STAG3: variants seen among roughly 807,000 people sequenced by gnomAD.
The protein encoded by STAG3 is cohesin subunit SA-3.
STAG3 carries 101 observed loss-of-function variants against 160.7 expected under a neutral mutation model. The ratio of observed to expected loss-of-function variants is 0.63; its 90% CI spans 0.54 to 0.74. The LOEUF is 0.74. Ranked by LOEUF, STAG3 falls within the 30% of genes least tolerant of loss-of-function variation. The pLI, the probability that STAG3 is intolerant of heterozygous loss-of-function variation, is 0.00. For missense variants in STAG3, 1,188 were observed against 1,517.4 expected (o/e 0.78, Z 3.61); for synonymous variants, 519 against 585.0 (o/e 0.89, Z 1.63).
intron 30 of STAG3, 81 bp downstream of exon 30, chr7:100,211,266 G>T (rs1802176923): frequency 6.6e-7 from 1 of 1,512,166 alleles, no homozygotes; most frequent in African/African-American, 1.4e-5. Context: ...TCTGTTTCAT[G>T]GTTCCCTGCT....
chr7:100,178,884 A>AGT (rs1799450364), intron 1 of STAG3, among the ~76,000 whole-genome samples: 1 of 149,890 alleles, frequency 6.7e-6, no homozygotes, highest in Non-Finnish European at 1.5e-5. Flanking sequence ...GCTGGAGTGC[A>AGT]GTGGTGCAGT....
At chr7:100,204,448 G>A (rs2117383149) in intron 26 of STAG3, among the ~76,000 whole-genome samples, 179 bp from the exon 27 acceptor site, 1 of 152,308 alleles carries the variant, frequency 6.6e-6, no homozygotes, top group East Asian at 1.9e-4. Context: ...ATGGAGTAGA[G>A]GTGATTGGCT....
In STAG3 at chr7:100,193,939, CT is replaced by C. The variant is rs57044186; in HGVS notation, c.868-1350del. ...GGTTTTCAACTAAGCTTAATCATTT[CT>C]TTTTTTTTTTTTTTTTTTTCTTTTT... On this transcript the variant is annotated intron_variant, in intron 8 of 33. Coordinates refer to ENST00000615138, the MANE Select transcript of STAG3 (RefSeq NM_001282717.2). Among the ~76,000 whole-genome samples the C allele has an allele frequency of 4.9e-3, 602 of 121,972 alleles. 1 individual carries two copies. The highest frequency in any genetic ancestry group is 0.015 in the African/African-American group (512 of 33,534). The allele number at this position is 121,972 out of a possible 152,430, so 80.0% of individuals were successfully genotyped here.
chr7:100,201,236 G>T, intron 20 of STAG3, 28 bp from the exon 21 acceptor site: 1 of 1,613,938 alleles, frequency 6.2e-7, no homozygotes, highest in Non-Finnish European at 8.5e-7. Context: ...TTCTTTTCCA[G>T]TATAACATTC....
At chr7:100,184,265 CAAA>C (rs1045041428) in intron 4 of STAG3, among the ~76,000 whole-genome samples, 1 of 117,300 alleles carries the variant, frequency 8.5e-6, no homozygotes, top group Non-Finnish European at 1.8e-5. Flanking sequence ...GACTCTGTCT[CAAA>C]AAAAAAAAAA....
Position 100,202,513 on chromosome 7 carries a change from G to C in STAG3, c.2623G>C (p.Ala875Pro). 1 of 1,614,178 alleles carries C rather than the reference G, an allele frequency of 6.2e-7. No individual in the cohort carries two copies. The highest frequency in any genetic ancestry group is 8.5e-7 in the Non-Finnish European group (1 of 1,180,030). The change falls in exon 25 of 34, where the codon GCC becomes CCC. Residue 875 changes from alanine to proline, a missense_variant. Ala to Pro is a conservative substitution (Grantham distance 27). Around this residue, in one of 4 missense-constraint regions of STAG3, gnomAD observed 647 missense variants for 717.2 expected, o/e 0.90. Transcript: ENST00000615138. ...GCTACACCAGCGGCGCCGCCTCCTA[G>C]CCGGGTTCTGCAAGCTGTTGCTTTA... is the stretch of plus-strand genomic sequence containing the variant. ...ERLHQRRRLL[A>P]GFCKLLLYGV...
At chr7:100,198,637 C>T in intron 13 of STAG3, 55 bp downstream of exon 13, 1 of 1,523,862 alleles carries the variant, frequency 6.6e-7, no homozygotes. Flanking sequence ...TTTCTCTCCT[C>T]CATCTGCTGC....
chr7:100,201,439 C>T, intron 21 of STAG3, 88 bp downstream of exon 21: 2 of 1,177,508 alleles, frequency 1.7e-6, no homozygotes, highest in South Asian at 1.2e-5. Context: ...TGTGTCAAGT[C>T]TCAGTGCGTG....
chr7:100,216,997 T>C (rs950365115), downstream of STAG3, among the ~76,000 whole-genome samples: 3 of 152,088 alleles, frequency 2.0e-5, no homozygotes, highest in African/African-American at 7.2e-5. Context: ...ACAGGCATTG[T>C]CTGGGAGCAC....
Position 100,180,684 on chromosome 7 carries a change from T to C in STAG3, c.116+12T>C. On this transcript the variant is annotated intron_variant, in intron 2 of 33. Transcript: ENST00000615138. Reference sequence around the variant, plus strand: ...CATACCTCAGAGGGGTAAGTAGATGTTGCATTGTGTGGCCACTTCCTGTGT... The same window carrying C: ...CATACCTCAGAGGGGTAAGTAGATGCTGCATTGTGTGGCCACTTCCTGTGT... The C allele has an allele frequency of 6.6e-7, 1 of 1,505,358 alleles. No individual in the cohort carries two copies. Among genetic ancestry groups the C allele is most frequent in the Non-Finnish European group, 9.3e-7 (1 of 1,080,288 alleles). 93.3% of individuals were successfully genotyped at this position (1,505,358 alleles called of 1,614,324 possible).
Position 100,201,868 on chromosome 7 carries a change from T to G in STAG3, c.2301+2T>G. On this transcript the variant is annotated splice_donor_variant, in intron 22 of 33. Transcript: ENST00000615138. LOFTEE classifies it high-confidence loss of function. ...ATTTCTAAATCAGATGCTTCCCAGG[T>G]GAGTGTGGGTCTTAGATGGGATAAT... The G allele has an allele frequency of 6.2e-7, 1 of 1,614,124 alleles. No individual in the cohort carries two copies. Among genetic ancestry groups the G allele is most frequent in the Non-Finnish European group, 8.5e-7 (1 of 1,179,982 alleles).
rs1482470296 is a variant in STAG3 at position 100,200,828 on chromosome 7, G to A, written c.1920G>A (p.Ala640=). 6.2e-6 allele frequency: 10 copies of A among 1,614,210 alleles called. No individual in the cohort carries two copies. Among genetic ancestry groups the A allele is most frequent in the Admixed American group, 5.0e-5 (3 of 60,026 alleles). ...QEVVVKHAEP[A]VLEAGAHALY... ...TGGTGGTGAAGCATGCAGAGCCAGC[G>A]GTGCTTGAGGCTGGGGCGCATGCCC... The change falls in exon 19 of 34, where the codon GCG becomes GCA. Residue 640 remains alanine, a synonymous_variant. Coordinates refer to ENST00000615138, the MANE Select transcript of STAG3 (RefSeq NM_001282717.2).
intron 2 of STAG3, chr7:100,181,495 A>G (rs1185387652): frequency 6.6e-6 from 1 of 152,228 alleles, no homozygotes; most frequent in Non-Finnish European, 1.5e-5. Context: ...TTCCTGAGCC[A>G]TGATTATCTT....
intron 31 of STAG3, 119 bp downstream of exon 31, chr7:100,211,658 C>A: frequency 1.4e-6 from 2 of 1,392,238 alleles, no homozygotes; most frequent in Non-Finnish European, 2.0e-6. Flanking sequence ...AGCCACAGAG[C>A]ACTTCCTGTC....
At position 100,197,850 on chromosome 7, in the gene STAG3, C is replaced by T. The variant is rs746249578; in HGVS notation, c.1138C>T (p.Leu380=). ...LYGNRDLTTR[L]ELFTSRFKDR... ...CGGTAACCGGGACCTGACCACACGC[C>T]TGGAGCTCTTCACCAGCCGCTTCAA... Residue 380 remains leucine (L), a synonymous_variant, in exon 11 of 34, where the codon CTG becomes TTG. Transcript: ENST00000615138. The T allele has an allele frequency of 5.0e-6, 8 of 1,613,862 alleles. No individual in the cohort carries two copies. In the Admixed American group the frequency reaches 5.0e-5, roughly 10 times the overall value.
At chr7:100,209,253 C>T (rs1047634326) in intron 29 of STAG3, among the ~76,000 whole-genome samples, 3 of 152,182 alleles carry the variant, frequency 2.0e-5, no homozygotes, top group Admixed American at 2.0e-4. Context: ...ACCCAAAGTG[C>T]AGGAGCCATT....
Position 100,202,354 on chromosome 7 carries a change from A to C in STAG3, c.2563+14A>C. 6.2e-7 allele frequency: 1 copy of C among 1,613,140 alleles called. No individual in the cohort carries two copies. The highest frequency in any genetic ancestry group is 8.5e-7 in the Non-Finnish European group (1 of 1,179,394). Reference sequence around the variant, plus strand: ...ACCTGGGCAGTGGTGCAGTGACTCTATACCTGGGGCTCAGTAAGGGCTGGG... The same window carrying C: ...ACCTGGGCAGTGGTGCAGTGACTCTCTACCTGGGGCTCAGTAAGGGCTGGG... On this transcript the variant is annotated intron_variant, in intron 24 of 33. Transcript: ENST00000615138.
chr7:100,193,827 A>AT (rs1432270209), intron 8 of STAG3, among the ~76,000 whole-genome samples: 2 of 150,888 alleles, frequency 1.3e-5, no homozygotes, highest in Admixed American at 1.3e-4. Context: ...CTGGAGTAGC[A>AT]TTTTTAATTT....
chr7:100,210,567 G>A (rs1383466122), intron 29 of STAG3, among the ~76,000 whole-genome samples: 1 of 151,868 alleles, frequency 6.6e-6, no homozygotes, highest in Non-Finnish European at 1.5e-5. Flanking sequence ...CTAGCCTCTG[G>A]TACCAAAACT....
Sources: gnomAD v4.1 joint callset for allele counts (sites outside exome capture counted in the v4.1 genomes callset) on GRCh38, gnomAD v4.1.1 for gene constraint, gnomAD v4.1.1 regional missense constraint, MANE v1.5 for transcripts, NCBI Gene and HGNC (gene_info 2026-07-23, HGNC 2026-07-21) for gene names.